SEC23B: variants seen among roughly 807,000 people sequenced by gnomAD.
SEC23B encodes the protein SEC23 homolog B, COPII component, also known as protein transport protein Sec23B.
A neutral mutation model predicts 104.3 loss-of-function variants in SEC23B; 77 were observed. The observed-to-expected ratio is 0.74, with a 90% CI of 0.61 to 0.89. The LOEUF is 0.89. Among genes scored for constraint, SEC23B ranks in the 40% least tolerant of loss-of-function variants. The pLI is 0.00. For synonymous variants in SEC23B, 338 were observed against 332.5 expected (o/e 1.02, Z -0.18); for missense variants, 885 against 949.4 (o/e 0.93, Z 0.89).
chr20:18,533,308 A>C (rs1371092104), intron 11 of SEC23B, among the ~76,000 whole-genome samples: 1 of 152,090 alleles, frequency 6.6e-6, no homozygotes, highest in African/African-American at 2.4e-5. Context: ...ACTTCCTCTG[A>C]TTATACTTTA....
intron 13 of SEC23B, 103 bp downstream of exon 13, chr20:18,542,505 G>T: frequency 8.6e-7 from 1 of 1,163,966 alleles, no homozygotes; most frequent in Non-Finnish European, 1.3e-6. Context: ...TCCATTGAAT[G>T]GTTCTCACCA....
intron 4 of SEC23B, among the ~76,000 whole-genome samples, chr20:18,523,183 C>T (rs983833037): frequency 4.6e-5 from 7 of 152,070 alleles, no homozygotes; most frequent in African/African-American, 1.7e-4. Flanking sequence ...TGTTACCACT[C>T]CAACCCCAGT....
chr20:18,538,203 G>A (rs898183769), intron 12 of SEC23B, among the ~76,000 whole-genome samples: 3 of 150,890 alleles, frequency 2.0e-5, no homozygotes, highest in African/African-American at 4.9e-5. Flanking sequence ...AGCTCCCAAA[G>A]TGTTGGAATT....
intron 10 of SEC23B, 55 bp from the exon 11 acceptor site, chr20:18,532,609 C>T: frequency 8.1e-7 from 1 of 1,231,062 alleles, no homozygotes. Context: ...GCCATGATGA[C>T]AGCAGGGTGG....
chr20:18,544,796 G>A (rs1600267781), intron 14 of SEC23B, among the ~76,000 whole-genome samples: 1 of 152,188 alleles, frequency 6.6e-6, no homozygotes, highest in East Asian at 1.9e-4. Context: ...CAGCATAGTG[G>A]CAGGAGAGAT....
chr20:18,524,356 A>G (rs1350438975), intron 4 of SEC23B, 77 bp from the exon 5 acceptor site: 6 of 1,008,060 alleles, frequency 6.0e-6, no homozygotes, highest in South Asian at 2.6e-5. Flanking sequence ...TACAATTTTC[A>G]TACCTAATTT....
chr20:18,510,643 G>A (rs1568595397), intron 1 of SEC23B, among the ~76,000 whole-genome samples, 179 bp from the exon 2 acceptor site: 1 of 152,166 alleles, frequency 6.6e-6, no homozygotes, highest in Non-Finnish European at 1.5e-5. Flanking sequence ...GCACAGGCTT[G>A]TAATCCCAGC....
At chr20:18,520,954 A>T (rs956276586) in intron 4 of SEC23B, among the ~76,000 whole-genome samples, 3 of 152,102 alleles carry the variant, frequency 2.0e-5, no homozygotes, top group Non-Finnish European at 2.9e-5. Context: ...TGAGTTGAAC[A>T]GTCCGATTTT....
chr20:18,527,750 GGAGGGCCTGTGGGCTCCTTGGA>G, intron 9 of SEC23B, 139 bp downstream of exon 9: 1 of 759,850 alleles, frequency 1.3e-6, no homozygotes, highest in Non-Finnish European at 2.4e-6. Context: ...CAGTGACTGG[GGAGGGCCTGTGGGCTCCTTGGA>G]GAGGGAAGTA....
chr20:18,556,579 C>G, intron 19 of SEC23B, among the ~76,000 whole-genome samples: 1 of 152,116 alleles, frequency 6.6e-6, no homozygotes, highest in East Asian at 1.9e-4. Context: ...ATCTGAATAA[C>G]TTTTACTTTA....
At chr20:18,554,848 G>A (rs2060421365) in intron 18 of SEC23B, among the ~76,000 whole-genome samples, 1 of 151,082 alleles carries the variant, frequency 6.6e-6, no homozygotes, top group African/African-American at 2.4e-5. Flanking sequence ...AAAAATGAGT[G>A]GTCAAAATGT....
At chr20:18,521,442 G>C (rs2060082926) in intron 4 of SEC23B, among the ~76,000 whole-genome samples, 1 of 152,136 alleles carries the variant, frequency 6.6e-6, no homozygotes, top group African/African-American at 2.4e-5. Context: ...TTTTATATCT[G>C]ATGAAAAAGA....
intron 12 of SEC23B, 69 bp downstream of exon 12, chr20:18,535,811 G>A: frequency 1.2e-5 from 14 of 1,202,520 alleles, no homozygotes; most frequent in East Asian, 2.3e-5. Flanking sequence ...CAAACCAGTG[G>A]TCTCTGGTTA....
In SEC23B at chr20:18,525,107, G is replaced by T. The variant is rs1234178147; in HGVS notation, c.689+87G>T. 3.6e-5 allele frequency: 41 copies of T among 1,151,588 alleles called. No individual in the cohort carries two copies. The South Asian group carries it at 5.0e-4, about 14-fold the overall frequency. The allele number at this position is 1,151,588 out of a possible 1,614,324, so 71.3% of individuals were successfully genotyped here. A position where few individuals can be genotyped will look rare whatever the true frequency, so the allele number is the denominator to read the frequency against. On this transcript the variant is annotated intron_variant, in intron 6 of 19. Transcript: ENST00000650089. Reference sequence around the variant, plus strand: ...TAAGGGAAGAAAAATATTAGAATTTGTATTTTCTTATTATTAGAGAAAAAG... The same window carrying T: ...TAAGGGAAGAAAAATATTAGAATTTTTATTTTCTTATTATTAGAGAAAAAG...
chr20:18,560,856 T>A lies in SEC23B; in HGVS notation c.*116T>A. 1 of 776,198 alleles carries A rather than the reference T, an allele frequency of 1.3e-6. No individual in the cohort carries two copies. The highest frequency in any genetic ancestry group is 1.9e-5 in the Admixed American group (1 of 52,202). The allele number at this position is 776,198 out of a possible 1,614,324, so 48.1% of individuals were successfully genotyped here. A position where few individuals can be genotyped will look rare whatever the true frequency, so the allele number is the denominator to read the frequency against. On this transcript the variant is annotated 3_prime_UTR_variant, in exon 20 of 20. Coordinates refer to ENST00000650089, the MANE Select transcript of SEC23B (RefSeq NM_006363.6). ...GATTTTAACAAATAATCAAGGACAT[T>A]TTATATGTAACTCTTTAGATTATAA...
chr20:18,555,275 T>G, intron 19 of SEC23B, 102 bp downstream of exon 19: 1 of 951,456 alleles, frequency 1.1e-6, no homozygotes, highest in Non-Finnish European at 1.7e-6. Context: ...GGAGACAGAA[T>G]AACTGCGTAA....
intron 3 of SEC23B, 60 bp downstream of exon 3, chr20:18,512,342 ATTAAG>A (rs1226197439): frequency 1.8e-5 from 20 of 1,125,468 alleles, no homozygotes; most frequent in Admixed American, 9.2e-5. Context: ...TATGAAAAAA[ATTAAG>A]TTAGGTTGAA....
chr20:18,535,257 C>T (rs2060219328), intron 11 of SEC23B, among the ~76,000 whole-genome samples: 1 of 144,272 alleles, frequency 6.9e-6, no homozygotes, highest in African/African-American at 2.5e-5. Flanking sequence ...CACCTGTAAT[C>T]CCAACACTTT....
chr20:18,520,390 T>C (rs998650624), intron 4 of SEC23B, among the ~76,000 whole-genome samples: 2 of 136,042 alleles, frequency 1.5e-5, no homozygotes, highest in African/African-American at 5.2e-5. Flanking sequence ...GGGATAGTAA[T>C]GGGCGTGTGA....
Sources: allele counts gnomAD v4.1 joint callset (sites outside exome capture counted in the v4.1 genomes callset), GRCh38; gene constraint gnomAD v4.1.1; transcripts MANE v1.5; gene names NCBI Gene and HGNC (gene_info 2026-07-23, HGNC 2026-07-21).